DOCK1: variants seen among roughly 807,000 people sequenced by gnomAD.
The protein encoded by DOCK1 is dedicator of cytokinesis 1, also known as dedicator of cytokinesis protein 1.
In DOCK1, 138 loss-of-function variants were observed where a neutral mutation model predicts 262.7. The ratio of observed to expected loss-of-function variants is 0.53; its 90% confidence interval spans 0.46 to 0.61. The LOEUF (loss-of-function observed/expected upper bound fraction) is 0.61. DOCK1 is among the 20% of genes least tolerant of loss of function. The pLI is 0.00. For synonymous variants in DOCK1, 866 were observed against 867.4 expected (o/e 1.00, Z 0.03); for missense variants, 1,908 against 2,370.7 (o/e 0.80, Z 4.05).
intron 28 of DOCK1, among the ~76,000 whole-genome samples, chr10:127,248,992 G>A (rs889337257): frequency 2.6e-5 from 4 of 152,140 alleles, no homozygotes; most frequent in African/African-American, 9.7e-5. Context: ...AGGTGGAACA[G>A]TTTCATCCCG....
chr10:126,965,075 G>C (rs2037560390), intron 1 of DOCK1, among the ~76,000 whole-genome samples: 3 of 152,238 alleles, frequency 2.0e-5, no homozygotes, highest in Non-Finnish European at 4.4e-5. Context: ...GTTTGTGTCT[G>C]ATGGGAGAGA....
intron 1 of DOCK1, among the ~76,000 whole-genome samples, chr10:126,913,414 T>C (rs1221972097): frequency 1.3e-5 from 2 of 152,230 alleles, no homozygotes; most frequent in Non-Finnish European, 2.9e-5. Context: ...GACCCAGGGC[T>C]GTCCCACACA....
At chr10:127,227,672 CT>C (rs1256647747) in intron 27 of DOCK1, among the ~76,000 whole-genome samples, 1 of 152,248 alleles carries the variant, frequency 6.6e-6, no homozygotes, top group Non-Finnish European at 1.5e-5. Flanking sequence ...TAAAGGAAGG[CT>C]TGTGCATAGT....
intron 31 of DOCK1, among the ~76,000 whole-genome samples, chr10:127,351,198 G>A (rs1009172513): frequency 1.3e-5 from 2 of 152,160 alleles, no homozygotes; most frequent in Admixed American, 1.3e-4. Flanking sequence ...CTCCCTGGAC[G>A]ATAGGAAGTG....
intron 22 of DOCK1, among the ~76,000 whole-genome samples, chr10:127,060,672 CGA>C (rs1417449034): frequency 2.0e-5 from 3 of 151,800 alleles, no homozygotes; most frequent in Admixed American, 6.5e-5. Context: ...AATTTACAAA[CGA>C]GACTTATTTT....
intron 2 of DOCK1, among the ~76,000 whole-genome samples, chr10:126,973,263 C>T (rs1015522267): frequency 6.7e-6 from 1 of 149,912 alleles, no homozygotes; most frequent in South Asian, 2.1e-4. Flanking sequence ...GAGGCTCGCT[C>T]TGTCGCCCGG....
At chr10:127,017,146 TACAGACACCACAAACACACACACAC>T (rs2042025688) in intron 12 of DOCK1, among the ~76,000 whole-genome samples, 1 of 121,130 alleles carries the variant, frequency 8.3e-6, no homozygotes, top group African/African-American at 3.2e-5. Context: ...CACACACAGA[TACAGACACCACAAACACACACACAC>T]ACACAGATAC....
At chr10:126,952,084 G>C (rs2036299015) in intron 1 of DOCK1, among the ~76,000 whole-genome samples, 1 of 152,012 alleles carries the variant, frequency 6.6e-6, no homozygotes, top group Non-Finnish European at 1.5e-5. Flanking sequence ...TCTTGACCTT[G>C]TGATCCGCCC....
intron 23 of DOCK1, among the ~76,000 whole-genome samples, chr10:127,078,690 C>A (rs1173800648): frequency 2.0e-5 from 3 of 152,178 alleles, no homozygotes; most frequent in Non-Finnish European, 4.4e-5. Flanking sequence ...AATTGTGGAA[C>A]CAGCCCAAAT....
intron 1 of DOCK1, among the ~76,000 whole-genome samples, chr10:126,913,502 G>C (rs544686207): frequency 1.3e-5 from 2 of 152,286 alleles, no homozygotes; most frequent in East Asian, 1.9e-4. Flanking sequence ...GTGGCCCTCC[G>C]TGGCCTTGGG....
At chr10:127,273,635 A>G (rs1449894292) in intron 29 of DOCK1, among the ~76,000 whole-genome samples, 2 of 152,208 alleles carry the variant, frequency 1.3e-5, no homozygotes, top group Non-Finnish European at 2.9e-5. Context: ...TAATCCCAGC[A>G]TTTTGGGAGG....
intron 29 of DOCK1, among the ~76,000 whole-genome samples, chr10:127,261,593 G>A (rs2060121941): frequency 7.6e-6 from 1 of 131,042 alleles, no homozygotes; most frequent in African/African-American, 3.1e-5. Flanking sequence ...GTGCATGTGG[G>A]TGTGTGCCTG....
intron 46 of DOCK1, among the ~76,000 whole-genome samples, chr10:127,420,901 A>G (rs6482886): frequency 0.62 from 77,317 of 124,500 alleles, 20,227 homozygotes; most frequent in Admixed American, 0.66. Context: ...TGAGCAGTTT[A>G]TTTGTTTGTT....
At chr10:126,996,907 C>T in intron 7 of DOCK1, 24 bp downstream of exon 7, 2 of 1,551,734 alleles carry the variant, frequency 1.3e-6, no homozygotes, top group Non-Finnish European at 1.7e-6. Flanking sequence ...TGTCATATGC[C>T]ATTCACGTTT....
chr10:127,302,387 C>CT (rs2061712246), intron 29 of DOCK1, among the ~76,000 whole-genome samples: 1 of 152,120 alleles, frequency 6.6e-6, no homozygotes, highest in Admixed American at 6.6e-5. Flanking sequence ...GGGGCCACTC[C>CT]TGGGGCCAGG....
chr10:126,981,851 A>G, intron 3 of DOCK1, 67 bp from the exon 4 acceptor site: 1 of 1,522,538 alleles, frequency 6.6e-7, no homozygotes, highest in Non-Finnish European at 8.9e-7. Context: ...TTTGGGAACT[A>G]TTGTTTGATT....
At chr10:127,098,018 C>T (rs550096790) in intron 23 of DOCK1, among the ~76,000 whole-genome samples, 4 of 152,300 alleles carry the variant, frequency 2.6e-5, no homozygotes, top group South Asian at 2.1e-4. Context: ...TTCCCACTTT[C>T]GTCCCTCACC....
At chr10:127,433,259 C>T (rs1415746740) in intron 47 of DOCK1, 24 bp from the exon 48 acceptor site, 2 of 1,610,074 alleles carry the variant, frequency 1.2e-6, no homozygotes, top group Non-Finnish European at 1.7e-6. Context: ...AACAAGTCTC[C>T]TTCTCTCTCT....
At chr10:127,040,245 C>CAAA (rs933976416) in intron 19 of DOCK1, among the ~76,000 whole-genome samples, 1 of 152,322 alleles carries the variant, frequency 6.6e-6, no homozygotes, top group East Asian at 1.9e-4. Context: ...GCAAAAGTAA[C>CAAA]AAAGTGGTAC....
Sources: gnomAD v4.1 joint callset for allele counts (sites outside exome capture counted in the v4.1 genomes callset) on GRCh38, gnomAD v4.1.1 for gene constraint, MANE v1.5 for transcripts, NCBI Gene and HGNC (gene_info 2026-07-23, HGNC 2026-07-21) for gene names.